Variants in ATP6V0D1 observed in about 807,000 individuals in gnomAD.
The protein encoded by ATP6V0D1 is ATPase H+ transporting V0 subunit d1.
ATP6V0D1 carries 13 observed loss-of-function variants against 39.0 expected under a neutral mutation model. That is an observed-to-expected ratio of 0.33 (90% confidence interval 0.22 to 0.53). The LOEUF (loss-of-function observed/expected upper bound fraction) is 0.53, where lower values mean the gene tolerates loss of function less well. ATP6V0D1 is among the 20% of genes least tolerant of loss of function. The pLI is 0.94. For synonymous variants in ATP6V0D1, 191 were observed against 191.2 expected (o/e 1.00, Z 0.01); for missense variants, 272 against 470.9 (o/e 0.58, Z 3.91).
chr16:67,444,056 G>A lies in ATP6V0D1; in HGVS notation c.481+472C>T, dbSNP rs952810300. ...GCTTCTGATACGGACCTTGCATCCT[G>A]CTGGATGCTGTCTGACCTGGCCCAG... On this transcript the variant is annotated intron_variant, in intron 3 of 7. Coordinates refer to ENST00000290949, the MANE Select transcript of ATP6V0D1 (RefSeq NM_004691.5). The surrounding 1 kb of genome is among the most constrained non-coding windows in gnomAD (Gnocchi z 4.8). Among the ~76,000 whole-genome samples, 5 of 152,212 alleles carry A rather than the reference G, an allele frequency of 3.3e-5. No homozygotes were observed. The highest frequency in any genetic ancestry group is 1.9e-4 in the East Asian group (1 of 5,184).
intron 1 of ATP6V0D1, among the ~76,000 whole-genome samples, chr16:67,480,315 T>A (rs979106957): frequency 2.7e-5 from 4 of 150,402 alleles, no homozygotes; most frequent in Non-Finnish European, 1.5e-5. Context: ...CCAACAGGCA[T>A]CCCCCTCGCT....
intron 1 of ATP6V0D1, chr16:67,459,071 G>T: frequency 1.0e-6 from 1 of 985,700 alleles, no homozygotes; most frequent in South Asian, 4.7e-5. Flanking sequence ...AGCCTGTGAG[G>T]CCCCGTGCCC....
chr16:67,459,306 C>T (rs1220432151), intron 1 of ATP6V0D1: 27 of 974,152 alleles, frequency 2.8e-5, no homozygotes, highest in Non-Finnish European at 3.2e-5. Flanking sequence ...TCCCTGCCCT[C>T]CCACCTCCAC....
chr16:67,457,402 A>G (rs2041248452), intron 1 of ATP6V0D1: 2 of 383,380 alleles, frequency 5.2e-6, no homozygotes, highest in South Asian at 4.1e-5. Flanking sequence ...TTACCGCTCT[A>G]TTCCCCAGCC....
intron 2 of ATP6V0D1, chr16:67,452,114 G>T: frequency 7.6e-7 from 1 of 1,322,934 alleles, no homozygotes; most frequent in Non-Finnish European, 1.0e-6. Flanking sequence ...TTGCAGCAAG[G>T]AACACAGAGA....
At chr16:67,478,157 T>C (rs1003432379) in intron 1 of ATP6V0D1, among the ~76,000 whole-genome samples, 1 of 152,222 alleles carries the variant, frequency 6.6e-6, no homozygotes, top group Non-Finnish European at 1.5e-5. Context: ...AATACACCAG[T>C]TGAAAAACCC....
rs1414906206 is a variant in ATP6V0D1 at position 67,447,827 on chromosome 16, G to A, written c.303-3121C>T. Among the ~76,000 whole-genome samples the A allele has an allele frequency of 1.3e-5, 2 of 152,204 alleles. No individual in the cohort carries two copies. On this transcript the variant is annotated intron_variant, in intron 2 of 7. Coordinates refer to ENST00000290949, the MANE Select transcript of ATP6V0D1 (RefSeq NM_004691.5). The surrounding 1 kb of genome is among the most constrained non-coding windows in gnomAD (Gnocchi z 4.1). ...ATGGCTTCTCAACCCCGGGTGGCTG[G>A]TCTGGTGCTGGTGAGGCAGCCATGA...
chr16:67,471,047 A>T (rs953479617), intron 1 of ATP6V0D1, among the ~76,000 whole-genome samples: 2 of 152,196 alleles, frequency 1.3e-5, no homozygotes, highest in Admixed American at 1.3e-4. Context: ...AGAGCCTCAG[A>T]GCAAGTTTCT....
intron 1 of ATP6V0D1, among the ~76,000 whole-genome samples, chr16:67,474,286 T>C (rs1597584728): frequency 6.6e-6 from 1 of 152,304 alleles, no homozygotes; most frequent in Non-Finnish European, 1.5e-5. Flanking sequence ...ACCCTAATAT[T>C]ATTCCCATTT....
chr16:67,478,019 G>T (rs1345600208), intron 1 of ATP6V0D1, among the ~76,000 whole-genome samples: 1 of 152,150 alleles, frequency 6.6e-6, no homozygotes, highest in Non-Finnish European at 1.5e-5. Context: ...GGAGGGTACA[G>T]GTACAAACAA....
rs1340997840 is a variant in ATP6V0D1 at position 67,460,199 on chromosome 16, C to T, written c.131-6484G>A. ...CTGGGCCTGGCTGAGAAGTCGGCTT[C>T]GAAGGGACTGGACCTGGGCTCTACC... On this transcript the variant is annotated intron_variant, in intron 1 of 7. Coordinates refer to ENST00000290949, the MANE Select transcript of ATP6V0D1 (RefSeq NM_004691.5). Among the ~76,000 whole-genome samples, 2 of 152,174 alleles carry T rather than the reference C, an allele frequency of 1.3e-5. 1 individual carries two copies. Among genetic ancestry groups the T allele is most frequent in the South Asian group, 4.1e-4 (2 of 4,824 alleles).
chr16:67,460,579 C>T (rs904037164), intron 1 of ATP6V0D1, among the ~76,000 whole-genome samples: 1 of 152,172 alleles, frequency 6.6e-6, no homozygotes, highest in Non-Finnish European at 1.5e-5. Context: ...CAGGGCCCTT[C>T]GCAGGCTCTC....
chr16:67,466,479 A>C (rs1232626327), intron 1 of ATP6V0D1, among the ~76,000 whole-genome samples: 1 of 151,862 alleles, frequency 6.6e-6, no homozygotes, highest in African/African-American at 2.4e-5. Flanking sequence ...CGGTGAGCCA[A>C]GATTGTGCCA....
At position 67,467,373 on chromosome 16, in the gene ATP6V0D1, C is replaced by G. The variant is rs1597581935; in HGVS notation, c.130+13584G>C. Among the ~76,000 whole-genome samples, 5 of 152,128 alleles carry G rather than the reference C, an allele frequency of 3.3e-5. No homozygotes were observed. The South Asian group carries it at 1.0e-3, about 32-fold the overall frequency. On this transcript the variant is annotated intron_variant, in intron 1 of 7. Transcript: ENST00000290949. ...GACAAAAATTAGGCGGGCGTGGTGG[C>G]GGGTGCCTGTAATCCCAGTTACTTG... is the stretch of plus-strand genomic sequence containing the variant.
At position 67,480,939 on chromosome 16, in the gene ATP6V0D1, T is replaced by G. The variant is rs2041468813; in HGVS notation, c.130+18A>C. ...CCCCGGACAGCCTCTATCCCCGCCT[T>G]TCGCGGCCCCGGCTCACCCTCTAGC... On this transcript the variant is annotated intron_variant, in intron 1 of 7. Coordinates refer to ENST00000290949, the MANE Select transcript of ATP6V0D1 (RefSeq NM_004691.5). 1 of 1,613,324 alleles carries G rather than the reference T, an allele frequency of 6.2e-7. No homozygotes were observed. The highest frequency in any genetic ancestry group is 8.5e-7 in the Non-Finnish European group (1 of 1,179,462).
intron 2 of ATP6V0D1, chr16:67,452,365 G>A: frequency 6.5e-7 from 1 of 1,535,712 alleles, no homozygotes; most frequent in Non-Finnish European, 8.7e-7. Context: ...TCCTGCCTGA[G>A]AATGGAGCCC....
At chr16:67,466,938 C>A (rs1211068561) in intron 1 of ATP6V0D1, among the ~76,000 whole-genome samples, 2 of 152,182 alleles carry the variant, frequency 1.3e-5, no homozygotes, top group African/African-American at 4.8e-5. Context: ...TTCAGAGGGA[C>A]AAGGCTGAAG....
chr16:67,444,589 G>A lies in ATP6V0D1; in HGVS notation c.420C>T (p.Ala140=), dbSNP rs1227293143. The change falls in exon 3 of 8, where the codon GCC becomes GCT. Residue 140 remains alanine (A), a synonymous_variant. Transcript: ENST00000290949. The surrounding 1 kb of genome is among the most constrained non-coding windows in gnomAD (Gnocchi z 4.8). ...CAGCAGGTGTCTGAGCAATGTTCAC[G>A]GCCTCCATCTGCTCGAAGCTGCCTA... ...HPLGSFEQME[A]VNIAQTPAEL... 1.1e-5 allele frequency: 18 copies of A among 1,613,304 alleles called. No homozygotes were observed. The highest frequency in any genetic ancestry group is 4.4e-5 in the South Asian group (4 of 91,048).
At chr16:67,459,100 C>T (rs761379510) in intron 1 of ATP6V0D1, 1 of 985,536 alleles carries the variant, frequency 1.0e-6, no homozygotes, top group East Asian at 1.1e-4. Flanking sequence ...AGCATTACCT[C>T]AGCCCTTGAC....
Sources: gnomAD v4.1 joint callset for allele counts (sites outside exome capture counted in the v4.1 genomes callset) on GRCh38, gnomAD v4.1.1 for gene constraint, Gnocchi (gnomAD v3.1) non-coding constraint, MANE v1.5 for transcripts, NCBI Gene and HGNC (gene_info 2026-07-23, HGNC 2026-07-21) for gene names.